Variants in CCDC7 observed in about 807,000 individuals in gnomAD.
The protein encoded by CCDC7 is coiled-coil domain containing 7, also known as coiled-coil domain-containing protein 7.
In CCDC7, 183 loss-of-function variants were observed where a neutral mutation model predicts 196.9. The ratio of observed to expected loss-of-function variants is 0.93; its 90% CI spans 0.82 to 1.05. CCDC7 has a LOEUF of 1.05. CCDC7 is among the 50% of genes least tolerant of loss of function. CCDC7 has a pLI of 0.00. For synonymous variants in CCDC7, 525 were observed against 484.6 expected, an observed-to-expected ratio of 1.08 and a Z score of -1.10; for missense variants, 1,540 against 1,482.2, an observed-to-expected ratio of 1.04 and a Z score of -0.64.
exon 25 of CCDC7, chr10:32,711,647 C>G (rs1240040941): frequency 3.8e-6 from 6 of 1,589,794 alleles, no homozygotes; most frequent in South Asian, 2.3e-5. Context: ...GGTGAAAATC[C>G]TATGCTTAAA....
intron 28 of CCDC7, among the ~76,000 whole-genome samples, chr10:32,760,719 C>A (rs56081287): frequency 6.6e-6 from 1 of 151,088 alleles, no homozygotes; most frequent in African/African-American, 2.4e-5. Flanking sequence ...ACGTTGTGCA[C>A]ATGTACCCTA....
chr10:32,731,880 C>T (rs917892893), intron 28 of CCDC7, among the ~76,000 whole-genome samples: 8 of 152,102 alleles, frequency 5.3e-5, no homozygotes, highest in Non-Finnish European at 8.8e-5. Context: ...GATGAAACCT[C>T]GTATCTACTA....
At chr10:32,818,578 A>G (rs1001976685) in intron 31 of CCDC7, among the ~76,000 whole-genome samples, 5 of 152,214 alleles carry the variant, frequency 3.3e-5, no homozygotes, top group African/African-American at 1.2e-4. Flanking sequence ...AATTGACCAC[A>G]TAGTTGGAAG....
rs377641703 is a variant in CCDC7, at chr10:32,871,624, G to A, written c.4112-4723G>A. 4.1e-4 allele frequency among the ~76,000 whole-genome samples: 63 copies of A among 151,876 alleles called. 1 individual carries two copies. In the East Asian group the frequency reaches 0.012, roughly 28 times the overall value. ...CTTCAATTCTGCTCTGATCTTAGTT[G>A]TTTCTTGCCTTCTGCTAGCTTTTGA... On this transcript the variant is annotated intron_variant, in intron 41 of 41. Coordinates refer to ENST00000639629, the Ensembl canonical transcript of CCDC7.
chr10:32,663,540 T>C (rs1441515419), intron 20 of CCDC7, among the ~76,000 whole-genome samples: 1 of 152,154 alleles, frequency 6.6e-6, no homozygotes, highest in East Asian at 1.9e-4. Flanking sequence ...AACATTACCT[T>C]CTATAAATCC....
chr10:32,691,338 G>T (rs1323467316), intron 23 of CCDC7, among the ~76,000 whole-genome samples: 1 of 152,110 alleles, frequency 6.6e-6, no homozygotes, highest in Non-Finnish European at 1.5e-5. Flanking sequence ...AAGTCCATCA[G>T]TGTCCTACTT....
chr10:32,768,290 A>G (rs1316304135), intron 28 of CCDC7, among the ~76,000 whole-genome samples: 3 of 151,918 alleles, frequency 2.0e-5, no homozygotes, highest in East Asian at 1.9e-4. Flanking sequence ...ATTTGTAGCT[A>G]TTGTAAGTGG....
intron 20 of CCDC7, among the ~76,000 whole-genome samples, chr10:32,641,263 A>G (rs1432896587): frequency 5.3e-5 from 8 of 152,042 alleles, no homozygotes; most frequent in East Asian, 3.9e-4. Context: ...GCTTGGTTCT[A>G]TTCTCCCTGT....
At chr10:32,642,182 G>C (rs7069537) in intron 20 of CCDC7, among the ~76,000 whole-genome samples, 12,623 of 152,262 alleles carry the variant, frequency 0.083, 570 homozygotes, top group East Asian at 0.16. Flanking sequence ...AAAGCTGTCA[G>C]ACAGGGACAT....
chr10:32,488,517 A>T (rs1032774202), intron 8 of CCDC7, among the ~76,000 whole-genome samples: 4 of 152,094 alleles, frequency 2.6e-5, no homozygotes, highest in Non-Finnish European at 5.9e-5. Context: ...GACACTCCCC[A>T]GTGAGATGAA....
intron 18 of CCDC7, among the ~76,000 whole-genome samples, chr10:32,589,150 G>T: frequency 6.6e-6 from 1 of 151,406 alleles, no homozygotes; most frequent in South Asian, 2.1e-4. Flanking sequence ...CCCCCACTAT[G>T]CTTACTAGCC....
chr10:32,725,261 C>A, intron 25 of CCDC7: 1 of 465,360 alleles, frequency 2.1e-6, no homozygotes. Context: ...GTTGCTCTAT[C>A]CTATAATACT....
At chr10:32,771,682 G>T (rs772835860) in intron 28 of CCDC7, among the ~76,000 whole-genome samples, 3 of 152,156 alleles carry the variant, frequency 2.0e-5, no homozygotes, top group Admixed American at 1.3e-4. Flanking sequence ...AATGGGGGTG[G>T]CAGGAGAGTC....
intron 9 of CCDC7, among the ~76,000 whole-genome samples, chr10:32,508,486 C>G (rs2045556150): frequency 6.6e-6 from 1 of 152,166 alleles, no homozygotes; most frequent in Non-Finnish European, 1.5e-5. Context: ...TCTACAGATT[C>G]TGTGTGAATC....
intron 11 of CCDC7, among the ~76,000 whole-genome samples, chr10:32,522,812 T>C (rs576889028): frequency 6.6e-6 from 1 of 152,266 alleles, no homozygotes; most frequent in African/African-American, 2.4e-5. Flanking sequence ...TGAAGTTTCC[T>C]CTTAGTACTG....
intron 41 of CCDC7, among the ~76,000 whole-genome samples, chr10:32,862,630 T>C (rs931408365): frequency 1.3e-5 from 2 of 151,890 alleles, no homozygotes; most frequent in Non-Finnish European, 2.9e-5. Flanking sequence ...TAAGATCAGC[T>C]ACAAGGCAGG....
chr10:32,568,865 T>G lies in CCDC7; in HGVS notation c.1419+974T>G, dbSNP rs16933499. ...GAGTAATATTGAGTTAGATTTCAAA[T>G]TCAGGTCTTTCTCGCTCCAAAATCA... is the stretch of plus-strand genomic sequence containing the variant. On this transcript the variant is annotated intron_variant, in intron 15 of 41. Transcript: ENST00000639629. Among the ~76,000 whole-genome samples the G allele has an allele frequency of 2.0e-5, 3 of 152,224 alleles. No individual in the cohort carries two copies. In the South Asian group the frequency reaches 6.2e-4, roughly 32 times the overall value.
At chr10:32,869,406 T>G (rs1456401359) in intron 41 of CCDC7, among the ~76,000 whole-genome samples, 1 of 152,188 alleles carries the variant, frequency 6.6e-6, no homozygotes, top group African/African-American at 2.4e-5. Context: ...ACCCACTTTT[T>G]GATGGGGTTG....
intron 24 of CCDC7, among the ~76,000 whole-genome samples, chr10:32,701,791 T>C (rs2078772964): frequency 6.6e-6 from 1 of 152,192 alleles, no homozygotes; most frequent in African/African-American, 2.4e-5. Flanking sequence ...CTAGATTTTC[T>C]AGTTTATTTG....
Sources: allele counts gnomAD v4.1 joint callset (sites outside exome capture counted in the v4.1 genomes callset), GRCh38; gene constraint gnomAD v4.1.1; transcripts MANE v1.5; gene names NCBI Gene and HGNC (gene_info 2026-07-23, HGNC 2026-07-21).